IL7: variants seen among roughly 807,000 people sequenced by gnomAD.
IL7 encodes the protein interleukin-7.
A neutral mutation model predicts 21.6 loss-of-function variants in IL7; 3 were observed. The observed-to-expected ratio is 0.14, with a 90% CI of 0.06 to 0.36. IL7 has a LOEUF of 0.36. Ranked by LOEUF, IL7 falls within the 10% of genes least tolerant of loss-of-function variation. The pLI is 1.00. For missense variants in IL7, 175 were observed against 200.2 expected (o/e 0.87, Z 0.76); for synonymous variants, 62 against 68.1 (o/e 0.91, Z 0.44).
intron 2 of IL7, among the ~76,000 whole-genome samples, chr8:78,793,632 T>A (rs772659908): frequency 8.5e-5 from 13 of 152,164 alleles, no homozygotes; most frequent in Non-Finnish European, 1.8e-4. Flanking sequence ...TGCTGACTGA[T>A]CAGAGTGGTG....
chr8:78,686,565 G>C, intron 3 of IL7: 1 of 1,533,840 alleles, frequency 6.5e-7, no homozygotes, highest in Non-Finnish European at 8.8e-7. Context: ...CCCTCAAAGA[G>C]GGTGGCAAAC....
chr8:78,777,863 G>A (rs865870909), intron 2 of IL7, among the ~76,000 whole-genome samples: 1 of 152,022 alleles, frequency 6.6e-6, no homozygotes, highest in Non-Finnish European at 1.5e-5. Flanking sequence ...CACTGCTGCA[G>A]TTTAAAAGCC....
At chr8:78,758,254 A>G (rs1192539129) in intron 2 of IL7, among the ~76,000 whole-genome samples, 1 of 152,110 alleles carries the variant, frequency 6.6e-6, no homozygotes, top group Non-Finnish European at 1.5e-5. Flanking sequence ...AATTTAAACC[A>G]TTTACATTCA....
chr8:78,689,083 A>T, intron 3 of IL7: 1 of 457,292 alleles, frequency 2.2e-6, no homozygotes, highest in Non-Finnish European at 3.5e-6. Context: ...AAAACTGGGT[A>T]GTTATAAGGA....
At position 78,698,572 on chromosome 8, in the gene IL7, G is replaced by A. The variant is rs1048205861; in HGVS notation, n.215-12625C>T. The A allele has an allele frequency of 6.4e-6, 8 of 1,251,516 alleles. No homozygotes were observed. In the African/African-American group the frequency reaches 1.2e-4, roughly 19 times the overall value. 77.5% of individuals were successfully genotyped at this position (1,251,516 alleles called of 1,614,324 possible). On this transcript the variant is annotated intron_variant and non_coding_transcript_variant, in intron 3 of 4. Transcript: ENST00000523959. ...TATAATTAAACGATACTAAGGTTTTGTTATGTTTTGATAATTGCTTTTTCA... is the reference window on the plus strand; with the variant it reads ...TATAATTAAACGATACTAAGGTTTTATTATGTTTTGATAATTGCTTTTTCA...
chr8:78,759,790 C>G (rs900577060), intron 2 of IL7, among the ~76,000 whole-genome samples: 1 of 152,156 alleles, frequency 6.6e-6, no homozygotes, highest in African/African-American at 2.4e-5. Flanking sequence ...TCCTCCCACA[C>G]CTCTTCAAAA....
At chr8:78,678,490 A>T (rs1004325080) in intron 4 of IL7, 1 of 1,137,244 alleles carries the variant, frequency 8.8e-7, no homozygotes, top group Non-Finnish European at 1.3e-6. Flanking sequence ...ACTGGTCTCA[A>T]TGTAAATAAA....
At chr8:78,728,835 A>T (rs568156641), downstream of IL7, among the ~76,000 whole-genome samples, 1 of 151,932 alleles carries the variant, frequency 6.6e-6, no homozygotes, top group Non-Finnish European at 1.5e-5. Flanking sequence ...GAAAATGCCA[A>T]TTTCTAGTCT....
chr8:78,770,553 T>C (rs185373510), intron 2 of IL7, among the ~76,000 whole-genome samples: 86 of 152,246 alleles, frequency 5.6e-4, no homozygotes, highest in Non-Finnish European at 1.0e-3. Context: ...AACTTTTGCT[T>C]CTGTTTTGAT....
chr8:78,687,702 TTA>T (rs67618117), intron 3 of IL7, among the ~76,000 whole-genome samples: 642 of 47,718 alleles, frequency 0.013, 141 homozygotes, highest in South Asian at 0.041. Context: ...ACGTAATACA[TTA>T]TATATATATT....
chr8:78,688,372 A>G (rs1810093821), intron 3 of IL7, among the ~76,000 whole-genome samples: 1 of 152,118 alleles, frequency 6.6e-6, no homozygotes, highest in African/African-American at 2.4e-5. Context: ...TTTCTTTCTT[A>G]TGAGAGGTTT....
chr8:78,706,171 G>A (rs1348151648), intron 3 of IL7, among the ~76,000 whole-genome samples: 6 of 152,144 alleles, frequency 3.9e-5, no homozygotes, highest in Admixed American at 6.5e-5. Flanking sequence ...TTCCATCCCA[G>A]GTAGGCTCAA....
chr8:78,737,570 A>G (rs1340767019), intron 4 of IL7, among the ~76,000 whole-genome samples: 4 of 152,178 alleles, frequency 2.6e-5, no homozygotes, highest in Admixed American at 2.6e-4. Flanking sequence ...CATCAAGTAC[A>G]TAAAGCAATG....
intron 4 of IL7, among the ~76,000 whole-genome samples, chr8:78,737,494 A>C (rs1401481253): frequency 6.6e-6 from 1 of 152,158 alleles, no homozygotes; most frequent in East Asian, 1.9e-4. Context: ...TCTAGGGGAC[A>C]AACGTAAGGA....
intron 4 of IL7, among the ~76,000 whole-genome samples, chr8:78,683,751 C>A (rs796558734): frequency 1.6e-4 from 25 of 152,240 alleles, no homozygotes; most frequent in African/African-American, 5.5e-4. Flanking sequence ...TTTTTCTTTT[C>A]TGTTACATCA....
At chr8:78,802,573 G>A (rs1036571313) in intron 1 of IL7, among the ~76,000 whole-genome samples, 1 of 151,900 alleles carries the variant, frequency 6.6e-6, no homozygotes, top group African/African-American at 2.4e-5. Flanking sequence ...TGGGATTATA[G>A]GTGCCCACCA....
intron 4 of IL7, among the ~76,000 whole-genome samples, chr8:78,684,633 A>G (rs1809902029): frequency 6.6e-6 from 1 of 152,314 alleles, no homozygotes; most frequent in Admixed American, 6.5e-5. Context: ...TAAGTAAGAA[A>G]TTACTACAAA....
At chr8:78,803,744 T>C (rs897315953) in intron 1 of IL7, among the ~76,000 whole-genome samples, 4 of 152,214 alleles carry the variant, frequency 2.6e-5, no homozygotes, top group Admixed American at 1.3e-4. Context: ...AAAATAGGGT[T>C]GTGCTCAATT....
At chr8:78,753,870 A>C (rs953535346) in intron 2 of IL7, among the ~76,000 whole-genome samples, 1 of 152,196 alleles carries the variant, frequency 6.6e-6, no homozygotes, top group Non-Finnish European at 1.5e-5. Context: ...GGTTTGTCAA[A>C]GATGGCTGTA....
Sources: gnomAD v4.1 joint callset for allele counts (sites outside exome capture counted in the v4.1 genomes callset) on GRCh38, gnomAD v4.1.1 for gene constraint, MANE v1.5 for transcripts, NCBI Gene and HGNC (gene_info 2026-07-23, HGNC 2026-07-21) for gene names.